PDE6B: variants seen among roughly 807,000 people sequenced by gnomAD.
PDE6B encodes phosphodiesterase 6B.
Under a neutral mutation model 109.0 loss-of-function variants are expected in PDE6B, and 106 were observed. The ratio of observed to expected loss-of-function variants is 0.97; its 90% CI spans 0.83 to 1.14. The LOEUF is 1.14. Ranked by LOEUF, PDE6B falls within the 50% of genes most tolerant of loss-of-function variation. The pLI, the probability that PDE6B is intolerant of heterozygous loss-of-function variation, is 0.00. For synonymous variants in PDE6B, 490 were observed against 471.3 expected, an observed-to-expected ratio of 1.04 and a Z score of -0.51; for missense variants, 1,193 against 1,155.6, an observed-to-expected ratio of 1.03 and a Z score of -0.47.
Position 667,995 on chromosome 4 carries a change from C to T in PDE6B, c.2492C>T (p.Ala831Val), listed in dbSNP as rs769435109. 12 of 1,611,872 alleles carry T rather than the reference C, an allele frequency of 7.4e-6. No homozygotes were observed. In the East Asian group the frequency reaches 2.2e-4, roughly 30 times the overall value. ...LEEKEEEERV[A>V]AKKVGTEICN... ...GAGAAGGAGGAGGAGGAGAGGGTGG[C>T]AGCCAAGAAAGGTCTGGCTCTGTGT... The change falls in exon 21 of 22, where the codon GCA becomes GTA. Residue 831 changes from alanine (A) to valine (V), a missense_variant. Coordinates refer to ENST00000496514, the MANE Select transcript of PDE6B (RefSeq NM_000283.4).
intron 20 of PDE6B, among the ~76,000 whole-genome samples, chr4:667,237 G>A (rs1164241131): frequency 3.3e-5 from 5 of 152,078 alleles, no homozygotes; most frequent in African/African-American, 7.2e-5. Context: ...TGGAATCCAC[G>A]CCCCAAGGAG....
rs190006783 is a variant in PDE6B, at chr4:636,430, C to T, written c.711+461C>T. On this transcript the variant is annotated intron_variant, in intron 3 of 21. Coordinates refer to ENST00000496514, the MANE Select transcript of PDE6B (RefSeq NM_000283.4). The surrounding 1 kb of genome is among the most constrained non-coding windows in gnomAD (Gnocchi z 4.5). ...GGGGCAGGTCTGGCCCTGGCCGAGA[C>T]GCTGGGGAGGGAGGCCTGAGGACCT... 9.9e-3 allele frequency among the ~76,000 whole-genome samples: 1,510 copies of T among 152,062 alleles called. 13 individuals carry two copies. Among genetic ancestry groups the T allele is most frequent in the Non-Finnish European group, 0.015 (1,050 of 67,956 alleles).
intron 3 of PDE6B, among the ~76,000 whole-genome samples, chr4:646,035 G>C (rs552990888): frequency 4.6e-4 from 70 of 152,080 alleles, no homozygotes; most frequent in South Asian, 2.7e-3. Context: ...TTAAGAAAAA[G>C]AAAATATGTT....
rs2109284586 is a variant in PDE6B at position 668,016 on chromosome 4, T to C, written c.2503+10T>C. On this transcript the variant is annotated intron_variant, in intron 21 of 21. Transcript: ENST00000496514. ...GTGGCAGCCAAGAAAGGTCTGGCTC[T>C]GTGTGGCCTGTGGGGCAGGGACTCG... The C allele has an allele frequency of 6.2e-7, 1 of 1,609,626 alleles. No individual in the cohort carries two copies. The highest frequency in any genetic ancestry group is 8.5e-7 in the Non-Finnish European group (1 of 1,178,452).
intron 1 of PDE6B, among the ~76,000 whole-genome samples, chr4:628,303 C>A (rs904718454): frequency 1.3e-5 from 2 of 152,150 alleles, no homozygotes; most frequent in Non-Finnish European, 2.9e-5. Flanking sequence ...TCAGTCTGGC[C>A]CACTGCACCC....
At position 663,091 on chromosome 4, in the gene PDE6B, G is replaced by A. The variant is rs766606835; in HGVS notation, c.1833-9G>A. 32 of 1,573,320 alleles carry A rather than the reference G, an allele frequency of 2.0e-5. No homozygotes were observed. Among genetic ancestry groups the A allele is most frequent in the Non-Finnish European group, 2.4e-5 (27 of 1,143,086 alleles). ...CCCACGGGCCTCACCTCCACCACCT[G>A]TGTAACAGGTCCCAGAACCCCTTGG... On this transcript the variant is annotated splice_polypyrimidine_tract_variant and intron_variant, in intron 14 of 21. Transcript: ENST00000496514. The surrounding 1 kb of genome is among the most constrained non-coding windows in gnomAD (Gnocchi z 4.0).
intron 1 of PDE6B, among the ~76,000 whole-genome samples, chr4:630,312 G>A (rs1734322376): frequency 6.6e-6 from 1 of 152,134 alleles, no homozygotes; most frequent in African/African-American, 2.4e-5. Context: ...GGCCACGAGG[G>A]GCAGCGGGAG....
intron 1 of PDE6B, among the ~76,000 whole-genome samples, chr4:630,915 G>C (rs781675802): frequency 2.7e-4 from 41 of 152,238 alleles, no homozygotes; most frequent in Non-Finnish European, 4.8e-4. Context: ...AATGGGGCCA[G>C]TGGTGAAGGA....
chr4:664,355 C>G (rs967182190), intron 17 of PDE6B, 134 bp downstream of exon 17: 2 of 704,526 alleles, frequency 2.8e-6, no homozygotes, highest in Non-Finnish European at 5.2e-6. Context: ...TTGTCGAGGG[C>G]TGTGAAACAA....
At chr4:629,476 C>G (rs1247791346) in intron 1 of PDE6B, among the ~76,000 whole-genome samples, 1 of 152,234 alleles carries the variant, frequency 6.6e-6, no homozygotes, top group Non-Finnish European at 1.5e-5. Context: ...CCACGGACCC[C>G]GCAGTGCTGT....
At chr4:642,246 T>C (rs1430551611) in intron 3 of PDE6B, among the ~76,000 whole-genome samples, 2 of 148,320 alleles carry the variant, frequency 1.3e-5, no homozygotes, top group South Asian at 2.1e-4. Flanking sequence ...CCAAGGTGGG[T>C]GGATCACCTG....
rs898065956 is a variant in PDE6B at position 665,707 on chromosome 4, G to A, written c.2268+378G>A. On this transcript the variant is annotated intron_variant, in intron 19 of 21. Transcript: ENST00000496514. This position sits in a 1 kb window ranked among gnomAD's most constrained non-coding sequence, Gnocchi z 4.0. ...GGGGGGCGTCCCGGGCCCACACAGT[G>A]GTATGATGGACAATGCCAGGGTCCT... 6.6e-6 allele frequency among the ~76,000 whole-genome samples: 1 copy of A among 152,188 alleles called. No individual in the cohort carries two copies. Among genetic ancestry groups the A allele is most frequent in the Non-Finnish European group, 1.5e-5 (1 of 68,022 alleles).
intron 1 of PDE6B, among the ~76,000 whole-genome samples, chr4:629,302 C>A (rs557446020): frequency 6.6e-6 from 1 of 152,252 alleles, no homozygotes; most frequent in Non-Finnish European, 1.5e-5. Flanking sequence ...CCCCATCACC[C>A]CTTTGTGGCT....
Position 625,583 on chromosome 4 carries a change from A to C in PDE6B, c.-44A>C. 7.3e-7 allele frequency: 1 copy of C among 1,374,014 alleles called. No individual in the cohort carries two copies. The highest frequency in any genetic ancestry group is 1.0e-6 in the Non-Finnish European group (1 of 961,002). 85.1% of individuals were successfully genotyped at this position (1,374,014 alleles called of 1,614,324 possible). On this transcript the variant is annotated 5_prime_UTR_variant, in exon 1 of 22. An upstream start codon of the reference 5' UTR is lost. Transcript: ENST00000496514. This position sits in a 1 kb window ranked among gnomAD's most constrained non-coding sequence, Gnocchi z 5.0. The stretch of plus-strand genomic sequence containing the variant: ...TGATGACAGGGTTTCCTGGGAGTCC[A>C]TGCGTGCCTGGAGCAGCAGCGTCTC...
intron 1 of PDE6B, among the ~76,000 whole-genome samples, chr4:631,063 G>A (rs1042888501): frequency 1.3e-5 from 2 of 152,222 alleles, no homozygotes; most frequent in South Asian, 2.1e-4. Context: ...GAGAAAAGAC[G>A]GCAGACGAAC....
intron 3 of PDE6B, among the ~76,000 whole-genome samples, chr4:645,941 A>G (rs936166045): frequency 6.6e-6 from 1 of 152,080 alleles, no homozygotes; most frequent in African/African-American, 2.4e-5. Flanking sequence ...AATTTCTGCC[A>G]TTTATTTTAC....
rs745584504 is a variant in PDE6B at position 665,205 on chromosome 4, T to C, written c.2194-50T>C. The C allele has an allele frequency of 4.2e-6, 6 of 1,417,104 alleles. No homozygotes were observed. Among genetic ancestry groups the C allele is most frequent in the South Asian group, 1.2e-5 (1 of 85,424 alleles). The allele number at this position is 1,417,104 out of a possible 1,614,324, so 87.8% of individuals were successfully genotyped here. ...AGCCTCACGGGGCGGGCCCGGGCCC[T>C]TCCGCGTGGGCTCAGAGCTCCACAG... On this transcript the variant is annotated intron_variant, in intron 18 of 21. Transcript: ENST00000496514. The surrounding 1 kb of genome is among the most constrained non-coding windows in gnomAD (Gnocchi z 4.0).
chr4:653,634 C>T (rs1214083442), intron 3 of PDE6B: 8 of 634,336 alleles, frequency 1.3e-5, no homozygotes, highest in Admixed American at 5.0e-5. Flanking sequence ...ACCGCAGCCT[C>T]GAGGCCTCAC....
At chr4:654,278 C>A (rs1343963278) in intron 5 of PDE6B, 124 bp downstream of exon 5, 1 of 857,210 alleles carries the variant, frequency 1.2e-6, no homozygotes, top group Non-Finnish European at 1.9e-6. Context: ...CCGGTGGGAC[C>A]CCGGGTGCCT....
Sources: allele counts gnomAD v4.1 joint callset (sites outside exome capture counted in the v4.1 genomes callset), GRCh38; gene constraint gnomAD v4.1.1; non-coding constraint Gnocchi (gnomAD v3.1); transcripts MANE v1.5; gene names NCBI Gene and HGNC (gene_info 2026-07-23, HGNC 2026-07-21).